Variants in ARL15 observed in about 807,000 individuals in gnomAD.
The protein encoded by ARL15 is ADP-ribosylation factor-like protein 15.
ARL15 carries 19 observed loss-of-function variants against 25.2 expected under a neutral mutation model. The observed-to-expected ratio is 0.75, with a 90% CI of 0.53 to 1.10. The LOEUF (loss-of-function observed/expected upper bound fraction) is 1.10, where lower values mean the gene tolerates loss of function less well. Among genes scored for constraint, ARL15 ranks in the 50% least tolerant of loss-of-function variants. ARL15 has a pLI of 0.00. For synonymous variants in ARL15, 94 were observed against 86.8 expected, an observed-to-expected ratio of 1.08 and a Z score of -0.46; for missense variants, 220 against 246.0, an observed-to-expected ratio of 0.89 and a Z score of 0.71.
chr5:54,134,024 G>C (rs1320829655), intron 3 of ARL15, among the ~76,000 whole-genome samples: 1 of 152,146 alleles, frequency 6.6e-6, no homozygotes, highest in Non-Finnish European at 1.5e-5. Flanking sequence ...TCCAGATCCA[G>C]ACAGATTACA....
chr5:54,042,997 C>T (rs945924411), intron 4 of ARL15, among the ~76,000 whole-genome samples: 1 of 152,148 alleles, frequency 6.6e-6, no homozygotes, highest in Non-Finnish European at 1.5e-5. Flanking sequence ...GCTTCAGATA[C>T]ACAAAGGCAT....
chr5:54,196,186 T>C (rs1272892691), intron 1 of ARL15, among the ~76,000 whole-genome samples: 2 of 152,150 alleles, frequency 1.3e-5, no homozygotes, highest in Non-Finnish European at 1.5e-5. Context: ...TTAAAGAGTA[T>C]GTTTTATGAC....
chr5:54,146,303 C>G (rs745334623), intron 3 of ARL15, among the ~76,000 whole-genome samples: 2 of 151,940 alleles, frequency 1.3e-5, no homozygotes, highest in Non-Finnish European at 2.9e-5. Flanking sequence ...GAGGTAGGAT[C>G]TACGATTTGT....
chr5:53,975,727 C>T (rs952298190), intron 4 of ARL15, among the ~76,000 whole-genome samples: 1 of 152,144 alleles, frequency 6.6e-6, no homozygotes, highest in African/African-American at 2.4e-5. Flanking sequence ...TGGGGAAGGA[C>T]CAAAGCCAGT....
intron 3 of ARL15, among the ~76,000 whole-genome samples, chr5:54,114,993 T>C (rs7724011): frequency 0.025 from 3,827 of 152,306 alleles, 137 homozygotes; most frequent in African/African-American, 0.081. Context: ...GGGACTGCAG[T>C]TGGTGTGCCC....
chr5:54,240,099 C>T (rs574977508), intron 1 of ARL15, among the ~76,000 whole-genome samples: 142 of 151,886 alleles, frequency 9.3e-4, no homozygotes, highest in Admixed American at 1.8e-3. Context: ...TGGTGGCGGG[C>T]ACCTGTAGTC....
chr5:53,914,101 C>T (rs1262747531), intron 4 of ARL15, among the ~76,000 whole-genome samples: 1 of 150,982 alleles, frequency 6.6e-6, no homozygotes, highest in African/African-American at 2.4e-5. Context: ...GTGGACAGGA[C>T]AAGGAAAGGG....
intron 4 of ARL15, among the ~76,000 whole-genome samples, chr5:53,910,367 T>C (rs908437944): frequency 3.9e-5 from 6 of 152,126 alleles, no homozygotes; most frequent in African/African-American, 1.4e-4. Context: ...AATCACTTTA[T>C]GGCATTTCAA....
At chr5:54,278,460 A>T (rs1757976088) in intron 1 of ARL15, among the ~76,000 whole-genome samples, 1 of 152,244 alleles carries the variant, frequency 6.6e-6, no homozygotes, top group Non-Finnish European at 1.5e-5. Context: ...ACAGATCCAT[A>T]TAACAGGACT....
intron 3 of ARL15, among the ~76,000 whole-genome samples, chr5:54,130,352 T>C (rs1008351026): frequency 2.0e-5 from 3 of 152,232 alleles, no homozygotes; most frequent in African/African-American, 7.2e-5. Flanking sequence ...GGAAGCACTC[T>C]CTTTCCTAAT....
intron 4 of ARL15, among the ~76,000 whole-genome samples, chr5:53,896,971 G>A (rs1193086149): frequency 6.6e-6 from 1 of 152,120 alleles, no homozygotes; most frequent in Non-Finnish European, 1.5e-5. Flanking sequence ...CACACAGATG[G>A]ATACTCCCAC....
At chr5:54,175,999 T>C (rs1354116645) in intron 1 of ARL15, among the ~76,000 whole-genome samples, 1 of 152,152 alleles carries the variant, frequency 6.6e-6, no homozygotes, top group African/African-American at 2.4e-5. Context: ...TCCAGTCCCA[T>C]GGTTTCAATC....
chr5:53,940,379 A>C (rs1160304930), intron 4 of ARL15, among the ~76,000 whole-genome samples: 2 of 152,240 alleles, frequency 1.3e-5, no homozygotes, highest in Admixed American at 1.3e-4. Context: ...AAAAAGAAAA[A>C]CACCATAACC....
At chr5:54,237,942 A>G (rs1219868457) in intron 1 of ARL15, among the ~76,000 whole-genome samples, 1 of 152,230 alleles carries the variant, frequency 6.6e-6, no homozygotes, top group African/African-American at 2.4e-5. Flanking sequence ...TTACTCTAAA[A>G]TAATTCCACT....
chr5:53,965,977 T>C (rs918687385), intron 4 of ARL15, among the ~76,000 whole-genome samples: 3 of 152,186 alleles, frequency 2.0e-5, no homozygotes, highest in African/African-American at 7.2e-5. Flanking sequence ...TTGTGAAATA[T>C]ATATTTGGTT....
intron 4 of ARL15, among the ~76,000 whole-genome samples, chr5:54,021,780 T>C (rs147106467): frequency 8.9e-4 from 136 of 152,296 alleles, no homozygotes; most frequent in African/African-American, 2.5e-3. Flanking sequence ...AGTTTACAGA[T>C]TGAAGTTTAG....
At chr5:54,111,465 T>C (rs1752738082) in intron 4 of ARL15, among the ~76,000 whole-genome samples, 1 of 152,124 alleles carries the variant, frequency 6.6e-6, no homozygotes. Flanking sequence ...TTATTCAATG[T>C]GATCATCTTT....
At chr5:53,960,538 G>C (rs914342426) in intron 4 of ARL15, among the ~76,000 whole-genome samples, 2 of 152,184 alleles carry the variant, frequency 1.3e-5, no homozygotes, top group African/African-American at 4.8e-5. Context: ...GTTGTGACAG[G>C]AGCATTCAGT....
intron 1 of ARL15, among the ~76,000 whole-genome samples, chr5:54,198,538 C>A (rs1171750334): frequency 1.4e-5 from 2 of 145,108 alleles, no homozygotes; most frequent in Non-Finnish European, 3.0e-5. Flanking sequence ...AGTGAACTCC[C>A]ATTCACAATT....
Sources: gnomAD v4.1 joint callset for allele counts (sites outside exome capture counted in the v4.1 genomes callset) on GRCh38, gnomAD v4.1.1 for gene constraint, MANE v1.5 for transcripts, NCBI Gene and HGNC (gene_info 2026-07-23, HGNC 2026-07-21) for gene names.